The following FAM117A variants were observed in gnomAD, a reference collection of about 807,000 sequenced individuals.
FAM117A encodes protein FAM117A.
FAM117A carries 21 observed loss-of-function variants against 44.1 expected under a neutral mutation model. That is an observed-to-expected ratio of 0.48 (90% confidence interval 0.34 to 0.69). FAM117A has a LOEUF of 0.69. FAM117A is among the 30% of genes least tolerant of loss of function. The probability of loss-of-function intolerance (pLI) is 0.01; values close to 1 mark genes in which losing one functional copy is unlikely to be tolerated. For synonymous variants in FAM117A, 220 were observed against 238.3 expected, an observed-to-expected ratio of 0.92 and a Z score of 0.71; for missense variants, 498 against 589.9, an observed-to-expected ratio of 0.84 and a Z score of 1.61.
chr17:49,761,624 C>T (rs140200092), intron 1 of FAM117A, among the ~76,000 whole-genome samples: 198 of 152,282 alleles, frequency 1.3e-3, no homozygotes, highest in African/African-American at 4.6e-3. Context: ...GCTCCCAGTG[C>T]CAATCTCTTA....
chr17:49,772,701 G>A (rs555819785), intron 1 of FAM117A, among the ~76,000 whole-genome samples: 139 of 151,724 alleles, frequency 9.2e-4, no homozygotes, highest in Admixed American at 2.1e-3. Context: ...GCAGTGAGCC[G>A]AGATCATGCC....
In FAM117A at chr17:49,749,964, T is replaced by C. The variant is rs371393254; in HGVS notation, c.196+13928A>G. The stretch of plus-strand genomic sequence containing the variant: ...ACTTAACTTCTCTGGGTGTCAGTTG[T>C]TCCATCTGTTAAATGGGGAGAGTAA... On this transcript the variant is annotated intron_variant, in intron 1 of 7. Transcript: ENST00000240364. Among the ~76,000 whole-genome samples, 30 of 148,908 alleles carry C rather than the reference T, an allele frequency of 2.0e-4. 4 individuals are homozygous for C. Among genetic ancestry groups the C allele is most frequent in the African/African-American group, 6.3e-4 (26 of 41,210 alleles).
At chr17:49,748,527 A>G (rs1285542958) in intron 1 of FAM117A, among the ~76,000 whole-genome samples, 3 of 152,160 alleles carry the variant, frequency 2.0e-5, no homozygotes, top group Non-Finnish European at 4.4e-5. Context: ...TAACTTCATC[A>G]CTGCCTAAGG....
chr17:49,781,059 C>T (rs1322571073), intron 1 of FAM117A, among the ~76,000 whole-genome samples: 1 of 151,848 alleles, frequency 6.6e-6, no homozygotes, highest in African/African-American at 2.4e-5. Context: ...TCGAACTCTA[C>T]CCAACCTTGG....
At chr17:49,749,006 G>C (rs936663325) in intron 1 of FAM117A, among the ~76,000 whole-genome samples, 5 of 152,108 alleles carry the variant, frequency 3.3e-5, no homozygotes, top group African/African-American at 7.2e-5. Flanking sequence ...GGTTTTCACT[G>C]ACTAAAAATG....
intron 1 of FAM117A, among the ~76,000 whole-genome samples, chr17:49,784,441 A>T (rs2073799304): frequency 6.6e-6 from 1 of 152,106 alleles, no homozygotes; most frequent in South Asian, 2.1e-4. Context: ...CTGCTTAAGG[A>T]CTTTCAGAAA....
intron 2 of FAM117A, among the ~76,000 whole-genome samples, chr17:49,726,304 A>C (rs1230540581): frequency 1.6e-4 from 25 of 151,974 alleles, no homozygotes. Flanking sequence ...CCTCCGCCTC[A>C]CGGGTTCAAG....
chr17:49,739,318 C>T (rs968125536), intron 1 of FAM117A, among the ~76,000 whole-genome samples: 1 of 152,164 alleles, frequency 6.6e-6, no homozygotes, highest in Non-Finnish European at 1.5e-5. Flanking sequence ...CTCCTGGGCC[C>T]CTGGGAAGAT....
chr17:49,788,734 T>C (rs1326404717), upstream of FAM117A: 6 of 1,320,206 alleles, frequency 4.5e-6, no homozygotes, highest in South Asian at 4.0e-5. Context: ...GTCCGCAGGA[T>C]TGGGACTGAT....
chr17:49,750,249 C>A (rs2073670948), intron 1 of FAM117A, among the ~76,000 whole-genome samples: 1 of 148,802 alleles, frequency 6.7e-6, no homozygotes, highest in Non-Finnish European at 1.5e-5. Flanking sequence ...GCCCACATGT[C>A]CACACGCAAG....
intron 2 of FAM117A, among the ~76,000 whole-genome samples, chr17:49,729,960 T>C (rs924108929): frequency 6.6e-6 from 1 of 152,044 alleles, no homozygotes; most frequent in Non-Finnish European, 1.5e-5. Context: ...CAGTACTCAA[T>C]AGGAAAGGAA....
rs948923770 is a variant in FAM117A, at chr17:49,716,374, G to A, written c.911-59C>T. On this transcript the variant is annotated intron_variant, in intron 6 of 7. Coordinates refer to ENST00000240364, the MANE Select transcript of FAM117A (RefSeq NM_030802.4). ...TGAAGGGAAGGCCTCCACTTTTCTG[G>A]GTCCAGGACTGAGGTGTAAAGTGGC... 14 of 1,439,926 alleles carry A rather than the reference G, an allele frequency of 9.7e-6. No individual in the cohort carries two copies. The African/African-American group carries it at 2.0e-4, about 21-fold the overall frequency. 89.2% of individuals were successfully genotyped at this position (1,439,926 alleles called of 1,614,324 possible).
intron 1 of FAM117A, among the ~76,000 whole-genome samples, chr17:49,771,005 G>A (rs1455807830): frequency 2.0e-5 from 3 of 151,614 alleles, no homozygotes; most frequent in African/African-American, 7.3e-5. Context: ...TCAGGAGTTC[G>A]AGACCAGCCT....
At chr17:49,763,434 C>A (rs2143787598) in intron 1 of FAM117A, among the ~76,000 whole-genome samples, 1 of 152,110 alleles carries the variant, frequency 6.6e-6, no homozygotes, top group East Asian at 1.9e-4. Flanking sequence ...AAGTAACACA[C>A]GGCTGCACGG....
intron 1 of FAM117A, among the ~76,000 whole-genome samples, chr17:49,733,786 T>G (rs2073597322): frequency 1.3e-5 from 2 of 152,180 alleles, no homozygotes; most frequent in South Asian, 2.1e-4. Flanking sequence ...TGGAATCATT[T>G]GGAAGTTGCA....
chr17:49,720,536 A>G, intron 3 of FAM117A, 100 bp from the exon 4 acceptor site: 1 of 832,886 alleles, frequency 1.2e-6, no homozygotes, highest in Non-Finnish European at 2.0e-6. Flanking sequence ...GCCCATGAAG[A>G]TATATACAAG....
chr17:49,773,129 C>T (rs1188083789), intron 1 of FAM117A, among the ~76,000 whole-genome samples: 5 of 152,218 alleles, frequency 3.3e-5, no homozygotes, highest in South Asian at 2.1e-4. Context: ...CATGGTGAAA[C>T]CCCGTCTCTA....
intron 1 of FAM117A, among the ~76,000 whole-genome samples, chr17:49,750,949 T>C (rs1272838436): frequency 6.6e-6 from 1 of 152,186 alleles, no homozygotes; most frequent in African/African-American, 2.4e-5. Context: ...TTTGTTGTAA[T>C]GGGATTTTAC....
At chr17:49,783,508 T>C (rs2073796279) in intron 1 of FAM117A, among the ~76,000 whole-genome samples, 1 of 151,944 alleles carries the variant, frequency 6.6e-6, no homozygotes, top group African/African-American at 2.4e-5. Flanking sequence ...TGCCTGAGCC[T>C]GCTGGGATCT....
Sources: gnomAD v4.1 joint callset for allele counts (sites outside exome capture counted in the v4.1 genomes callset) on GRCh38, gnomAD v4.1.1 for gene constraint, MANE v1.5 for transcripts, NCBI Gene and HGNC (gene_info 2026-07-23, HGNC 2026-07-21) for gene names.